GRIK4: variants seen among roughly 807,000 people sequenced by gnomAD.
GRIK4 encodes the protein glutamate ionotropic receptor kainate type subunit 4.
GRIK4 carries 40 observed loss-of-function variants against 104.9 expected under a neutral mutation model. The observed-to-expected ratio is 0.38, with a 90% CI of 0.30 to 0.50. GRIK4 has a LOEUF of 0.50. GRIK4 is among the 20% of genes least tolerant of loss of function. The pLI is 0.93. For synonymous variants in GRIK4, 485 were observed against 524.9 expected (o/e 0.92, Z 1.04); for missense variants, 1,047 against 1,308.1 (o/e 0.80, Z 3.08).
intron 13 of GRIK4, among the ~76,000 whole-genome samples, chr11:120,935,274 C>T (rs928674213): frequency 2.0e-5 from 3 of 152,154 alleles, no homozygotes; most frequent in African/African-American, 7.2e-5. Flanking sequence ...TGACAAGAGT[C>T]AGGGCTGCTT....
chr11:120,787,835 C>G (rs1020547766), intron 3 of GRIK4, among the ~76,000 whole-genome samples: 1 of 113,656 alleles, frequency 8.8e-6, no homozygotes, highest in Admixed American at 9.3e-5. Context: ...TATTTCTTCT[C>G]TTTTTTCTTT....
In GRIK4 at chr11:120,987,579, G is replaced by A. The variant is rs1944778007; in HGVS notation, c.*1319G>A. 1 of 152,228 alleles carries A rather than the reference G, an allele frequency of 6.6e-6. No individual in the cohort carries two copies. The highest frequency in any genetic ancestry group is 2.1e-4 in the South Asian group (1 of 4,836). 9.4% of individuals were successfully genotyped at this position (152,228 alleles called of 1,614,324 possible). A position where few individuals can be genotyped will look rare whatever the true frequency, so the allele number is the denominator to read the frequency against. ...GTCAATACACGGGCCTGGGAACCAG[G>A]AACTCTTGAGTCGTAACCTCAGCTT... On this transcript the variant is annotated 3_prime_UTR_variant, in exon 21 of 21. Transcript: ENST00000527524.
chr11:120,800,398 A>G (rs1162004825), intron 3 of GRIK4, among the ~76,000 whole-genome samples: 4 of 152,068 alleles, frequency 2.6e-5, no homozygotes, highest in Admixed American at 6.6e-5. Flanking sequence ...CTCTTATGCC[A>G]CAGCATGACT....
rs190204900 is a variant in GRIK4 at position 120,925,254 on chromosome 11, T to C, written c.1477-15093T>C. On this transcript the variant is annotated intron_variant, in intron 13 of 20. Transcript: ENST00000527524. ...ACAGGCCCGTGAATCTCACCATTCC[T>C]AATTACAGGGCTGACAAGTGGGAGG... Among the ~76,000 whole-genome samples the C allele has an allele frequency of 1.4e-3, 219 of 152,290 alleles. 6 individuals are homozygous for C. The highest frequency in any genetic ancestry group is 0.014 in the Admixed American group (219 of 15,302).
intron 3 of GRIK4, among the ~76,000 whole-genome samples, chr11:120,713,891 A>G (rs950976516): frequency 1.3e-5 from 2 of 152,116 alleles, no homozygotes; most frequent in Non-Finnish European, 2.9e-5. Flanking sequence ...TCGAGAGTGG[A>G]TTTGCTGCGG....
chr11:120,720,355 G>A (rs1296225702), intron 3 of GRIK4, among the ~76,000 whole-genome samples: 1 of 152,228 alleles, frequency 6.6e-6, no homozygotes, highest in African/African-American at 2.4e-5. Flanking sequence ...ATCCTTTGAT[G>A]TGCGTTTGGC....
At chr11:120,885,380 ATTC>A (rs1955087626) in intron 11 of GRIK4, among the ~76,000 whole-genome samples, 1 of 143,976 alleles carries the variant, frequency 6.9e-6, no homozygotes, top group African/African-American at 2.8e-5. Flanking sequence ...GGCAACATAA[ATTC>A]TTCTTTTTTT....
At chr11:120,635,026 A>C (rs929355118) in intron 1 of GRIK4, among the ~76,000 whole-genome samples, 2 of 152,176 alleles carry the variant, frequency 1.3e-5, no homozygotes, top group South Asian at 2.1e-4. Flanking sequence ...TTGAGCAGCT[A>C]TGGGGCTTGT....
intron 3 of GRIK4, among the ~76,000 whole-genome samples, chr11:120,737,709 C>A (rs1360348479): frequency 2.0e-5 from 3 of 151,890 alleles, no homozygotes; most frequent in African/African-American, 7.3e-5. Context: ...GAAAAAAAAC[C>A]ACAAGGAAGT....
intron 8 of GRIK4, among the ~76,000 whole-genome samples, chr11:120,843,881 C>T (rs913346896): frequency 2.6e-5 from 4 of 152,240 alleles, no homozygotes; most frequent in Admixed American, 6.5e-5. Context: ...TCGTGTGACT[C>T]GTGGAAGCAG....
At chr11:120,856,691 TC>T (rs35018580) in intron 8 of GRIK4, among the ~76,000 whole-genome samples, 1 of 152,130 alleles carries the variant, frequency 6.6e-6, no homozygotes, top group East Asian at 1.9e-4. Context: ...GAATGCCACT[TC>T]CCCTGCTTAC....
At chr11:120,982,678 T>C (rs917878110) in intron 20 of GRIK4, among the ~76,000 whole-genome samples, 2 of 152,236 alleles carry the variant, frequency 1.3e-5, no homozygotes, top group African/African-American at 4.8e-5. Context: ...AAGAAGACTA[T>C]GCCACTCTTC....
At chr11:120,698,914 C>A (rs182049021) in intron 3 of GRIK4, among the ~76,000 whole-genome samples, 3 of 152,190 alleles carry the variant, frequency 2.0e-5, no homozygotes, top group Non-Finnish European at 4.4e-5. Flanking sequence ...TTTTGGATTT[C>A]GTTGGTCCCC....
rs144110362 is a variant in GRIK4, at chr11:120,784,522, T to C, written c.83-18171T>C. ...GTTTTGATCGGAGGCCACAGGGTCC[T>C]GTGTTGTAGACTCTAGCAGGCATGA... On this transcript the variant is annotated intron_variant, in intron 3 of 20. Transcript: ENST00000527524. Among the ~76,000 whole-genome samples the C allele has an allele frequency of 1.9e-3, 290 of 152,308 alleles. 2 individuals carry two copies. Among genetic ancestry groups the C allele is most frequent in the Middle Eastern group, 6.8e-3 (2 of 294 alleles).
chr11:120,577,903 G>C, intron 1 of GRIK4, among the ~76,000 whole-genome samples: 1 of 152,268 alleles, frequency 6.6e-6, no homozygotes, highest in Non-Finnish European at 1.5e-5. Flanking sequence ...TTCTCAGCTC[G>C]GCCCCAGGAC....
At chr11:120,730,153 A>C (rs12280400) in intron 3 of GRIK4, among the ~76,000 whole-genome samples, 1,879 of 152,184 alleles carry the variant, frequency 0.012, 28 homozygotes, top group African/African-American at 0.03. Context: ...TCAGGAGTTC[A>C]GGACCGGTCT....
At chr11:120,887,896 T>G (rs889004283) in intron 11 of GRIK4, among the ~76,000 whole-genome samples, 2 of 152,142 alleles carry the variant, frequency 1.3e-5, no homozygotes, top group Non-Finnish European at 1.5e-5. Context: ...GGGGTGACAT[T>G]CAGGCTGAAG....
At chr11:120,926,115 G>A (rs893830787) in intron 13 of GRIK4, among the ~76,000 whole-genome samples, 1 of 152,200 alleles carries the variant, frequency 6.6e-6, no homozygotes, top group Non-Finnish European at 1.5e-5. Context: ...AGGTGTGATG[G>A]TGGTGGTAGT....
chr11:120,518,316 T>G (rs1947755322), intron 1 of GRIK4, among the ~76,000 whole-genome samples: 1 of 152,008 alleles, frequency 6.6e-6, no homozygotes, highest in African/African-American at 2.4e-5. Context: ...GTGGCAGCAG[T>G]GGTTATTAGT....
Sources: allele counts gnomAD v4.1 joint callset (sites outside exome capture counted in the v4.1 genomes callset), GRCh38; gene constraint gnomAD v4.1.1; transcripts MANE v1.5; gene names NCBI Gene and HGNC (gene_info 2026-07-23, HGNC 2026-07-21).